Variants in TENM1 observed in about 807,000 individuals in gnomAD.
TENM1 encodes the protein teneurin-1.
TENM1 carries 35 observed loss-of-function variants against 174.8 expected under a neutral mutation model. The ratio of observed to expected loss-of-function variants is 0.20; its 90% CI spans 0.15 to 0.27. The LOEUF is 0.27. TENM1 is among the 10% of genes least tolerant of loss of function. TENM1 has a pLI of 1.00. For missense variants in TENM1, 1,633 were observed against 2,130.1 expected, an observed-to-expected ratio of 0.77 and a Z score of 4.59; for synonymous variants, 781 against 798.7, an observed-to-expected ratio of 0.98 and a Z score of 0.37.
rs944295725 is a variant in TENM1 at position 124,805,803 on chromosome X, C to T, written c.536-68606G>A. Among the ~76,000 whole-genome samples the T allele has an allele frequency of 7.1e-5, 8 of 112,592 alleles. No homozygotes were observed. In the East Asian group the frequency reaches 8.4e-4, roughly 12 times the overall value. Reference sequence around the variant, plus strand: ...AGGCCAGAGGGCCTGCTGGAGTCTCCGGAAGGGCTTATTATTTAAAAGCAT... The same window carrying T: ...AGGCCAGAGGGCCTGCTGGAGTCTCTGGAAGGGCTTATTATTTAAAAGCAT... On this transcript the variant is annotated intron_variant, in intron 3 of 31. Transcript: ENST00000422452.
At chrX:124,378,382 C>T (rs1247516275) in exon 32 of TENM1, 2 of 112,359 alleles carry the variant, frequency 1.8e-5, no homozygotes, top group African/African-American at 6.5e-5. Context: ...ATACAGTTCA[C>T]AAATTATTTT....
At chrX:124,645,249 G>A (rs781209857) in exon 10 of TENM1, 13 of 1,209,833 alleles carry the variant, frequency 1.1e-5, no homozygotes, top group East Asian at 8.9e-5. Flanking sequence ...CTTCCGGAAC[G>A]TCACACTCTG....
At chrX:124,530,851 T>C (rs1347215154) in intron 15 of TENM1, among the ~76,000 whole-genome samples, 1 of 112,493 alleles carries the variant, frequency 8.9e-6, no homozygotes, top group African/African-American at 3.2e-5. Context: ...TTCAGGGACA[T>C]AGTCCACTAA....
intron 22 of TENM1, among the ~76,000 whole-genome samples, chrX:124,456,726 G>A (rs745396752): frequency 3.8e-4 from 43 of 111,856 alleles, no homozygotes; most frequent in Middle Eastern, 9.1e-3. Flanking sequence ...AGATGGGCAT[G>A]TGAGTGATTT....
intron 11 of TENM1, among the ~76,000 whole-genome samples, chrX:124,626,415 T>C (rs1011049872): frequency 1.8e-5 from 2 of 111,059 alleles, no homozygotes; most frequent in Non-Finnish European, 3.8e-5. Flanking sequence ...GTATGAGTTT[T>C]GTCTCTTTCC....
chrX:124,655,893 C>T (rs1569369507), intron 6 of TENM1, among the ~76,000 whole-genome samples: 1 of 111,469 alleles, frequency 9.0e-6, no homozygotes, highest in Non-Finnish European at 1.9e-5. Flanking sequence ...TCAATTTGGC[C>T]CCTAAAGGGC....
chrX:124,686,797 A>T (rs1415249904), intron 5 of TENM1, among the ~76,000 whole-genome samples: 1 of 111,964 alleles, frequency 8.9e-6, no homozygotes, highest in Non-Finnish European at 1.9e-5. Context: ...ATTTATGACA[A>T]ATCCACAGCC....
intron 11 of TENM1, among the ~76,000 whole-genome samples, chrX:124,579,728 C>T (rs1373614456): frequency 8.9e-6 from 1 of 111,977 alleles, no homozygotes; most frequent in Non-Finnish European, 1.9e-5. Flanking sequence ...CATAAGCACT[C>T]AATAAATATC....
At chrX:124,401,772 TA>T (rs761770216) in intron 27 of TENM1, among the ~76,000 whole-genome samples, 1 of 111,535 alleles carries the variant, frequency 9.0e-6, no homozygotes, top group African/African-American at 3.3e-5. Context: ...GGCATCAGCA[TA>T]AAAAAAATCA....
chrX:124,674,506 A>G (rs2052014567), intron 5 of TENM1, among the ~76,000 whole-genome samples: 1 of 110,450 alleles, frequency 9.1e-6, no homozygotes, highest in African/African-American at 3.3e-5. Context: ...AGAGATTTCT[A>G]ACACCTACTT....
At chrX:124,936,769 G>A (rs950922249) in intron 1 of TENM1, among the ~76,000 whole-genome samples, 5 of 111,916 alleles carry the variant, frequency 4.5e-5, no homozygotes, top group Admixed American at 1.9e-4. Flanking sequence ...TAACTAGGCC[G>A]GGCATGGTGG....
At chrX:124,548,807 G>A (rs1274047654) in intron 14 of TENM1, among the ~76,000 whole-genome samples, 1 of 111,012 alleles carries the variant, frequency 9.0e-6, no homozygotes, top group Non-Finnish European at 1.9e-5. Context: ...CACAGCTGGG[G>A]GCAATGAAAG....
rs1490084987 is a variant in TENM1, at chrX:124,715,610, T to TC, written c.777-10360_777-10359insG. ...ACCTCTTTTTTCATCTTCTCTTTTC[T>TC]TTTTTTTTCCTTTTCTTTTCTTTTC... On this transcript the variant is annotated intron_variant, in intron 4 of 31. Transcript: ENST00000422452. 4.6e-5 allele frequency among the ~76,000 whole-genome samples: 5 copies of TC among 108,994 alleles called. No homozygotes were observed. In the East Asian group the frequency reaches 1.4e-3, roughly 31 times the overall value. 94.6% of individuals were successfully genotyped at this position (108,994 alleles called of 115,157 possible).
chrX:124,481,703 A>C, intron 22 of TENM1, 29 bp downstream of exon 25: 3 of 350,974 alleles, frequency 8.5e-6, no homozygotes, highest in Non-Finnish European at 1.4e-5. Context: ...GGGTATATAT[A>C]TATATATATT....
chrX:124,650,317 A>G (rs1213987684), intron 8 of TENM1, among the ~76,000 whole-genome samples: 2 of 111,114 alleles, frequency 1.8e-5, no homozygotes, highest in Non-Finnish European at 3.8e-5. Flanking sequence ...ATGGTAGCAG[A>G]AACGTTTCTG....
At chrX:124,386,682 T>C (rs748420365) in intron 28 of TENM1, among the ~76,000 whole-genome samples, 2 of 111,020 alleles carry the variant, frequency 1.8e-5, no homozygotes, top group Admixed American at 9.6e-5. Flanking sequence ...GATTCAAGTA[T>C]GTTGGCAACA....
At chrX:124,932,000 C>T (rs920393895) in intron 1 of TENM1, among the ~76,000 whole-genome samples, 28 of 111,730 alleles carry the variant, frequency 2.5e-4, no homozygotes, top group African/African-American at 8.8e-4. Flanking sequence ...ATTTCTGGTT[C>T]CACAAAGCGG....
chrX:124,931,871 G>GCGCA (rs1556419071), intron 1 of TENM1, among the ~76,000 whole-genome samples: 4 of 102,041 alleles, frequency 3.9e-5, no homozygotes, highest in African/African-American at 1.4e-4. Context: ...CCAAGCGCAC[G>GCGCA]CACACACACA....
chrX:124,844,037 A>G (rs917827181), intron 3 of TENM1, among the ~76,000 whole-genome samples: 2 of 111,240 alleles, frequency 1.8e-5, no homozygotes, highest in Non-Finnish European at 3.8e-5. Context: ...CAGGGGAGCC[A>G]CATTATGCAT....
Sources: allele counts gnomAD v4.1 joint callset (sites outside exome capture counted in the v4.1 genomes callset), GRCh38; gene constraint gnomAD v4.1.1; transcripts MANE v1.5; gene names NCBI Gene and HGNC (gene_info 2026-07-23, HGNC 2026-07-21).